The following DMD variants were observed in gnomAD, a reference collection of about 807,000 sequenced individuals.
DMD encodes mutant dystrophin.
In DMD, 63 loss-of-function variants were observed where a neutral mutation model predicts 330.1. The observed-to-expected ratio is 0.19, with a 90% confidence interval of 0.16 to 0.24. DMD has a LOEUF of 0.24. Ranked by LOEUF, DMD falls within the 10% of genes least tolerant of loss-of-function variation. The pLI, the probability that DMD is intolerant of heterozygous loss-of-function variation, is 1.00. For synonymous variants in DMD, 1,223 were observed against 959.8 expected (o/e 1.27, Z -5.07); for missense variants, 3,344 against 2,684.1 (o/e 1.25, Z -5.43).
In DMD at chrX:32,723,753, G is replaced by A. The variant is rs193090392; in HGVS notation, c.650-24460C>T. Reference sequence around the variant, plus strand: ...TCATTTCATTATGTCTATGTATATCGTAACATCTTGTACCCCTTAAATCAG... The same window carrying A: ...TCATTTCATTATGTCTATGTATATCATAACATCTTGTACCCCTTAAATCAG... On this transcript the variant is annotated intron_variant, in intron 7 of 78. Transcript: ENST00000357033. 4.6e-4 allele frequency among the ~76,000 whole-genome samples: 51 copies of A among 110,473 alleles called. 1 individual carries two copies. Among genetic ancestry groups the A allele is most frequent in the East Asian group, 1.7e-3 (6 of 3,517 alleles).
rs1413403918 is a variant in DMD, at chrX:31,121,201, T to G, written c.*718A>C. The G allele has an allele frequency of 8.9e-6, 1 of 111,871 alleles. No individual in the cohort carries two copies. The allele number at this position is 111,871 out of a possible 1,213,427, so 9.2% of individuals were successfully genotyped here. A position where few individuals can be genotyped will look rare whatever the true frequency, so the allele number is the denominator to read the frequency against. ...GTCTATAGAAATTCGTATCTCTTTA[T>G]CTATATAACTATAGTATTTATATAC... On this transcript the variant is annotated 3_prime_UTR_variant, in exon 79 of 79. Transcript: ENST00000357033.
At chrX:32,717,104 G>C (rs1342316749) in intron 7 of DMD, among the ~76,000 whole-genome samples, 2 of 111,229 alleles carry the variant, frequency 1.8e-5, no homozygotes, top group Non-Finnish European at 3.8e-5. Flanking sequence ...TCTCGGGGTG[G>C]TGGGGGAAAT....
At chrX:32,607,483 C>A (rs1350347117) in intron 12 of DMD, among the ~76,000 whole-genome samples, 2 of 109,698 alleles carry the variant, frequency 1.8e-5, no homozygotes, top group Non-Finnish European at 3.8e-5. Context: ...GATACAGTAT[C>A]ATTACTTCCA....
At chrX:32,976,688 G>T (rs1013889010) in intron 2 of DMD, among the ~76,000 whole-genome samples, 2 of 111,542 alleles carry the variant, frequency 1.8e-5, no homozygotes, top group African/African-American at 6.5e-5. Flanking sequence ...ATTTCGAGCT[G>T]TCTACTTCTG....
chrX:31,233,768 C>A (rs765712743), intron 63 of DMD, among the ~76,000 whole-genome samples: 2 of 111,988 alleles, frequency 1.8e-5, no homozygotes, highest in Non-Finnish European at 3.8e-5. Flanking sequence ...TATTTCTCTG[C>A]CCTTATCTCC....
intron 15 of DMD, among the ~76,000 whole-genome samples, chrX:32,567,394 G>C (rs1330547041): frequency 9.0e-6 from 1 of 111,450 alleles, no homozygotes; most frequent in Admixed American, 9.5e-5. Context: ...GCAATAGGTA[G>C]GTGGTTTTTC....
At chrX:32,845,451 G>T (rs966168935) in intron 3 of DMD, among the ~76,000 whole-genome samples, 1 of 111,648 alleles carries the variant, frequency 9.0e-6, no homozygotes, top group Non-Finnish European at 1.9e-5. Flanking sequence ...CATTTATTAA[G>T]TTGTAGAGTT....
intron 60 of DMD, among the ~76,000 whole-genome samples, chrX:31,368,063 C>T (rs1396892322): frequency 4.5e-5 from 5 of 111,579 alleles, no homozygotes; most frequent in Admixed American, 1.9e-4. Flanking sequence ...AGTTCTAACT[C>T]GTGCTGTATA....
intron 1 of DMD, among the ~76,000 whole-genome samples, chrX:33,323,296 C>T (rs2054041628): frequency 8.9e-6 from 1 of 111,874 alleles, no homozygotes; most frequent in South Asian, 3.7e-4. Context: ...ACTTGTTGTG[C>T]TTGTTGTACT....
At chrX:33,223,883 A>G (rs1372951896) in intron 1 of DMD, among the ~76,000 whole-genome samples, 1 of 112,596 alleles carries the variant, frequency 8.9e-6, no homozygotes, top group African/African-American at 3.2e-5. Context: ...AAAATCAACA[A>G]TAAGAAAACA....
intron 55 of DMD, among the ~76,000 whole-genome samples, chrX:31,530,614 G>A (rs1249586301): frequency 1.0e-5 from 1 of 98,654 alleles, no homozygotes; most frequent in Non-Finnish European, 2.0e-5. Flanking sequence ...GGGTAACCTT[G>A]GTATATACCT....
chrX:31,918,620 C>T (rs1236743745), intron 47 of DMD, among the ~76,000 whole-genome samples: 1 of 88,064 alleles, frequency 1.1e-5, no homozygotes, highest in East Asian at 3.0e-4. Context: ...TTAATGTCAA[C>T]ATCTTTTTTT....
chrX:32,803,558 G>A (rs1366865794), intron 7 of DMD, among the ~76,000 whole-genome samples: 3 of 110,929 alleles, frequency 2.7e-5, no homozygotes, highest in Non-Finnish European at 3.8e-5. Flanking sequence ...TTAGGATGTC[G>A]ATTATAGATC....
At chrX:32,060,405 G>T (rs916547010) in intron 44 of DMD, among the ~76,000 whole-genome samples, 4 of 111,172 alleles carry the variant, frequency 3.6e-5, no homozygotes, top group Non-Finnish European at 1.9e-5. Context: ...AAAATTCAGA[G>T]GGCAGTTTGC....
chrX:32,271,656 A>G (rs543644183), intron 43 of DMD, among the ~76,000 whole-genome samples: 2 of 112,763 alleles, frequency 1.8e-5, no homozygotes, highest in African/African-American at 6.4e-5. Flanking sequence ...GCAAGCAAGC[A>G]AACCTTTCAC....
chrX:32,641,950 T>C (rs1383668762), intron 11 of DMD, among the ~76,000 whole-genome samples: 1 of 111,767 alleles, frequency 8.9e-6, no homozygotes, highest in Non-Finnish European at 1.9e-5. Context: ...ATGACCATGA[T>C]AATGGAAACT....
chrX:32,735,353 C>T lies in DMD; in HGVS notation c.650-36060G>A, dbSNP rs370796230. Among the ~76,000 whole-genome samples the T allele has an allele frequency of 1.2e-4, 13 of 110,367 alleles. No homozygotes were observed. In the South Asian group the frequency reaches 2.8e-3, roughly 24 times the overall value. On this transcript the variant is annotated intron_variant, in intron 7 of 78. Transcript: ENST00000357033. ...TGGCCATACTGCCCAAGGTAATTTACAGATTCAATGTCATCCCCATCAAGC... is the reference window on the plus strand; with the variant it reads ...TGGCCATACTGCCCAAGGTAATTTATAGATTCAATGTCATCCCCATCAAGC...
intron 44 of DMD, among the ~76,000 whole-genome samples, chrX:32,073,492 A>G (rs888083099): frequency 2.7e-5 from 3 of 110,541 alleles, no homozygotes; most frequent in Middle Eastern, 4.7e-3. Flanking sequence ...TTATTTTACA[A>G]CCCCCTCTTT....
chrX:32,368,357 G>A (rs1454919940), intron 34 of DMD, among the ~76,000 whole-genome samples: 2 of 111,119 alleles, frequency 1.8e-5, no homozygotes, highest in African/African-American at 6.5e-5. Flanking sequence ...AGCCATGGCT[G>A]GAATAAGCAT....
Sources: allele counts gnomAD v4.1 joint callset (sites outside exome capture counted in the v4.1 genomes callset), GRCh38; gene constraint gnomAD v4.1.1; transcripts MANE v1.5; gene names NCBI Gene and HGNC (gene_info 2026-07-23, HGNC 2026-07-21).